Variants in ARHGAP22 observed in about 807,000 individuals in gnomAD.
The protein encoded by ARHGAP22 is Rho GTPase activating protein 22.
A neutral mutation model predicts 59.1 loss-of-function variants in ARHGAP22; 48 were observed. The ratio of observed to expected loss-of-function variants is 0.81; its 90% CI spans 0.64 to 1.03. The LOEUF is 1.03. Among genes scored for constraint, ARHGAP22 ranks in the 50% least tolerant of loss-of-function variants. ARHGAP22 has a pLI of 0.00. For synonymous variants in ARHGAP22, 445 were observed against 416.4 expected, an observed-to-expected ratio of 1.07 and a Z score of -0.84; for missense variants, 1,015 against 958.7, an observed-to-expected ratio of 1.06 and a Z score of -0.78.
chr10:48,514,100 A>T (rs190899089), intron 3 of ARHGAP22, among the ~76,000 whole-genome samples: 9 of 152,288 alleles, frequency 5.9e-5, no homozygotes, highest in Admixed American at 5.2e-4. Flanking sequence ...AATTGAGAAT[A>T]GCCAGTCTGA....
intron 3 of ARHGAP22, among the ~76,000 whole-genome samples, chr10:48,521,387 T>C (rs1393495180): frequency 6.6e-6 from 1 of 152,226 alleles, no homozygotes; most frequent in African/African-American, 2.4e-5. Context: ...CCTACTAATG[T>C]GGCTCTGGCT....
rs530768113 is a variant in ARHGAP22, at chr10:48,511,937, A to G, written c.323-32173T>C. ...CAGCAGTCCCTGGCCACCTCCCCCAATTAGCCCCCAGTCTCAACAACAGCC... is the reference window on the plus strand; with the variant it reads ...CAGCAGTCCCTGGCCACCTCCCCCAGTTAGCCCCCAGTCTCAACAACAGCC... On this transcript the variant is annotated intron_variant, in intron 3 of 9. Coordinates refer to ENST00000249601, the MANE Select transcript of ARHGAP22 (RefSeq NM_021226.4). Among the ~76,000 whole-genome samples the G allele has an allele frequency of 1.3e-4, 20 of 151,396 alleles. No homozygotes were observed. The South Asian group carries it at 3.6e-3, about 27-fold the overall frequency.
the ARHGAP22 span, chr10:48,430,570 G>A: frequency 6.6e-6 from 1 of 152,652 alleles, no homozygotes; most frequent in Non-Finnish European, 1.5e-5. Context: ...TGGTCTACTT[G>A]CTGTCCAGAA....
intron 1 of ARHGAP22, among the ~76,000 whole-genome samples, chr10:48,593,801 A>C (rs1456363231): frequency 6.6e-6 from 1 of 152,246 alleles, no homozygotes; most frequent in Middle Eastern, 3.2e-3. Context: ...ACTTTATATA[A>C]AAAGGAAAGA....
At chr10:48,603,470 C>T (rs529321131) in intron 1 of ARHGAP22, among the ~76,000 whole-genome samples, 1 of 152,198 alleles carries the variant, frequency 6.6e-6, no homozygotes, top group Non-Finnish European at 1.5e-5. Context: ...AGATATTGTA[C>T]ATTCTTTTTT....
intron 1 of ARHGAP22, among the ~76,000 whole-genome samples, chr10:48,622,399 G>T (rs2061315071): frequency 6.6e-6 from 1 of 151,802 alleles, no homozygotes; most frequent in Non-Finnish European, 1.5e-5. Context: ...TACTAATGAG[G>T]TTGAGCACCC....
intron 3 of ARHGAP22, among the ~76,000 whole-genome samples, chr10:48,541,371 C>T (rs2055911355): frequency 6.6e-6 from 1 of 152,244 alleles, no homozygotes; most frequent in Non-Finnish European, 1.5e-5. Context: ...AGCATACCTC[C>T]TCCTGCGCAT....
At position 48,517,757 on chromosome 10, in the gene ARHGAP22, C is replaced by T. The variant is rs560091283; in HGVS notation, c.322+37706G>A. ...GGTAGGAGGGGGTGCCGGGACTTCTCGTGTCCTGTTGCTAGGCACACCAGC... is the reference window on the plus strand; with the variant it reads ...GGTAGGAGGGGGTGCCGGGACTTCTTGTGTCCTGTTGCTAGGCACACCAGC... On this transcript the variant is annotated intron_variant, in intron 3 of 9. Transcript: ENST00000249601. 3.3e-5 allele frequency among the ~76,000 whole-genome samples: 5 copies of T among 152,290 alleles called. No individual in the cohort carries two copies. In the East Asian group the frequency reaches 7.7e-4, roughly 24 times the overall value.
intron 4 of ARHGAP22, among the ~76,000 whole-genome samples, chr10:48,472,282 G>A: frequency 6.6e-6 from 1 of 151,840 alleles, no homozygotes; most frequent in East Asian, 1.9e-4. Flanking sequence ...CCAGCACTTT[G>A]GGAGGCCGAG....
chr10:48,443,615 A>G (rs2045254130), downstream of ARHGAP22, among the ~76,000 whole-genome samples: 1 of 152,140 alleles, frequency 6.6e-6, no homozygotes, highest in Non-Finnish European at 1.5e-5. Flanking sequence ...CTAGGAACTC[A>G]AGACACCCGT....
At chr10:48,531,792 T>C (rs12777174) in intron 3 of ARHGAP22, among the ~76,000 whole-genome samples, 104,852 of 151,704 alleles carry the variant, frequency 0.69, 37,536 homozygotes, top group Middle Eastern at 0.79. Context: ...ATCTTAACAA[T>C]TCTATGATAA....
chr10:48,576,911 A>ACCCCCCCCCC (rs1588902410), intron 2 of ARHGAP22, among the ~76,000 whole-genome samples: 1 of 140,326 alleles, frequency 7.1e-6, no homozygotes. Context: ...ATCCCTCCCC[A>ACCCCCCCCCC]CACCGCCACC....
the ARHGAP22 span, among the ~76,000 whole-genome samples, chr10:48,440,042 G>A: frequency 6.6e-6 from 1 of 152,172 alleles, no homozygotes; most frequent in Non-Finnish European, 1.5e-5. Context: ...GTGTCAGAAT[G>A]TTGGGAATAA....
intron 8 of ARHGAP22, chr10:48,451,712 G>C: frequency 1.8e-6 from 1 of 570,604 alleles, no homozygotes; most frequent in Non-Finnish European, 3.0e-6. Context: ...CACCCCCAAA[G>C]TCCCACACAC....
intron 3 of ARHGAP22, 53 bp downstream of exon 3, chr10:48,555,410 G>C: frequency 6.4e-7 from 1 of 1,563,948 alleles, no homozygotes; most frequent in Admixed American, 1.7e-5. Flanking sequence ...CCAGGCCAGG[G>C]GCATGGCAAC....
chr10:48,584,528 TG>T (rs1467537600), intron 1 of ARHGAP22, among the ~76,000 whole-genome samples: 2 of 152,208 alleles, frequency 1.3e-5, no homozygotes, highest in Non-Finnish European at 2.9e-5. Flanking sequence ...TCTGCCACTC[TG>T]GACTGAAGGG....
At chr10:48,652,426 C>A in exon 1 of ARHGAP22, 1 of 703,366 alleles carries the variant, frequency 1.4e-6, no homozygotes, top group East Asian at 2.7e-5. Context: ...TTAGAATGCC[C>A]TTTATCTGGT....
At chr10:48,430,098 G>GT in the ARHGAP22 span, 3 of 152,094 alleles carry the variant, frequency 2.0e-5, no homozygotes, top group Non-Finnish European at 2.9e-5. Flanking sequence ...GTTTGTTTTT[G>GT]TTTTTTTGTT....
chr10:48,442,311 G>C (rs529083957), downstream of ARHGAP22, among the ~76,000 whole-genome samples: 1 of 152,350 alleles, frequency 6.6e-6, no homozygotes, highest in Non-Finnish European at 1.5e-5. Flanking sequence ...AGGGCAGGGG[G>C]TGGCAAGTGC....
Sources: gnomAD v4.1 joint callset for allele counts (sites outside exome capture counted in the v4.1 genomes callset) on GRCh38, gnomAD v4.1.1 for gene constraint, MANE v1.5 for transcripts, NCBI Gene and HGNC (gene_info 2026-07-23, HGNC 2026-07-21) for gene names.